TAFA1: variants seen among roughly 807,000 people sequenced by gnomAD.
The protein encoded by TAFA1 is TAFA chemokine like family member 1.
In TAFA1, 4 loss-of-function variants were observed where a neutral mutation model predicts 18.5. That is an observed-to-expected ratio of 0.22 (90% CI 0.11 to 0.49). The LOEUF is 0.49. Among genes scored for constraint, TAFA1 ranks in the 20% least tolerant of loss-of-function variants. TAFA1 has a pLI of 0.98. For missense variants in TAFA1, 147 were observed against 169.0 expected, an observed-to-expected ratio of 0.87 and a Z score of 0.72; for synonymous variants, 56 against 55.2, an observed-to-expected ratio of 1.01 and a Z score of -0.06.
At chr3:68,286,852 T>C (rs903802754) in intron 2 of TAFA1, among the ~76,000 whole-genome samples, 46 of 152,134 alleles carry the variant, frequency 3.0e-4, no homozygotes, top group Non-Finnish European at 6.2e-4. Flanking sequence ...CTCTCTATTA[T>C]TTGTGCTGGT....
chr3:67,994,838 G>A, the TAFA1 span, among the ~76,000 whole-genome samples: 1 of 152,086 alleles, frequency 6.6e-6, no homozygotes, highest in Non-Finnish European at 1.5e-5. Flanking sequence ...ACTGACTTTT[G>A]TTCATATGTG....
At chr3:68,148,290 G>C (rs550915940) in intron 2 of TAFA1, among the ~76,000 whole-genome samples, 1 of 152,304 alleles carries the variant, frequency 6.6e-6, no homozygotes, top group Admixed American at 6.5e-5. Flanking sequence ...TAGCATAGCA[G>C]TCTGTATTTT....
At chr3:68,293,515 ATTGTCAC>A (rs2068152099) in intron 2 of TAFA1, among the ~76,000 whole-genome samples, 1 of 152,206 alleles carries the variant, frequency 6.6e-6, no homozygotes, top group South Asian at 2.1e-4. Context: ...CTCAAACCCT[ATTGTCAC>A]TTCTTTCTAG....
chr3:68,422,358 C>T (rs1448897774), intron 3 of TAFA1, among the ~76,000 whole-genome samples: 2 of 152,084 alleles, frequency 1.3e-5, no homozygotes, highest in African/African-American at 4.8e-5. Flanking sequence ...ATCAACTTCT[C>T]TGCGTGACAG....
rs1174790978 is a variant in TAFA1, at chr3:68,544,719, G to T, written c.*216G>T. The T allele has an allele frequency of 6.8e-6, 3 of 443,958 alleles. No homozygotes were observed. The highest frequency in any genetic ancestry group is 4.0e-5 in the Admixed American group (1 of 25,050). The allele number at this position is 443,958 out of a possible 1,614,324, so 27.5% of individuals were successfully genotyped here. ...ACCATGGAAAGTGGGCTTAAAAAAG[G>T]GTTTTCTCAGTGAAATTTTTGGGCA... On this transcript the variant is annotated 3_prime_UTR_variant, in exon 5 of 5. Coordinates refer to ENST00000478136, the MANE Select transcript of TAFA1 (RefSeq NM_213609.4).
At chr3:68,376,860 A>T (rs1398896924) in intron 2 of TAFA1, among the ~76,000 whole-genome samples, 1 of 152,130 alleles carries the variant, frequency 6.6e-6, no homozygotes, top group Non-Finnish European at 1.5e-5. Context: ...TTGGATCATG[A>T]GAGAGGTTTT....
At chr3:68,120,182 T>TTTC (rs1491520032) in intron 2 of TAFA1, among the ~76,000 whole-genome samples, 1 of 18,270 alleles carries the variant, frequency 5.5e-5, no homozygotes, top group African/African-American at 1.4e-4. Context: ...TCTTTCTTTC[T>TTTC]TTCTTTCTTT....
intron 2 of TAFA1, among the ~76,000 whole-genome samples, chr3:68,160,142 A>G: frequency 6.6e-6 from 1 of 152,194 alleles, no homozygotes; most frequent in East Asian, 1.9e-4. Flanking sequence ...ATAGTGAGGG[A>G]AACTGTGACT....
intron 2 of TAFA1, among the ~76,000 whole-genome samples, chr3:68,298,368 T>C (rs1235693587): frequency 2.0e-5 from 3 of 152,142 alleles, no homozygotes; most frequent in African/African-American, 7.2e-5. Context: ...GTGTGTGTCA[T>C]GCTGAGAAGC....
At chr3:68,258,676 A>T (rs1322362271) in intron 2 of TAFA1, among the ~76,000 whole-genome samples, 1 of 152,188 alleles carries the variant, frequency 6.6e-6, no homozygotes, top group East Asian at 1.9e-4. Context: ...TCAGAGCCAC[A>T]TAACAAATAT....
chr3:68,393,340 G>C (rs779836889), intron 2 of TAFA1, among the ~76,000 whole-genome samples: 61 of 150,202 alleles, frequency 4.1e-4, no homozygotes, highest in Non-Finnish European at 8.9e-5. Flanking sequence ...CCAATAGCAA[G>C]TTCTCAAATA....
chr3:68,248,946 G>A (rs1248813963), intron 2 of TAFA1, among the ~76,000 whole-genome samples: 1 of 151,976 alleles, frequency 6.6e-6, no homozygotes, highest in African/African-American at 2.4e-5. Flanking sequence ...TGTAATTAAG[G>A]GTGTTCTCCT....
intron 2 of TAFA1, among the ~76,000 whole-genome samples, chr3:68,205,714 C>T (rs1052300981): frequency 2.5e-4 from 38 of 151,670 alleles, no homozygotes; most frequent in African/African-American, 7.5e-4. Flanking sequence ...TAAGTAGAAG[C>T]GGTGTCCCAG....
chr3:68,183,089 T>A (rs929325477), intron 2 of TAFA1, among the ~76,000 whole-genome samples: 19 of 152,288 alleles, frequency 1.2e-4, no homozygotes, highest in African/African-American at 4.3e-4. Flanking sequence ...TGTGTAGTTT[T>A]ATCATCAATC....
intron 3 of TAFA1, among the ~76,000 whole-genome samples, chr3:68,526,910 C>T (rs2073118260): frequency 6.6e-6 from 1 of 151,888 alleles, no homozygotes; most frequent in Non-Finnish European, 1.5e-5. Flanking sequence ...ACATAAAAAA[C>T]ATTTGTTCTT....
chr3:68,495,921 G>C (rs2072538080), intron 3 of TAFA1, among the ~76,000 whole-genome samples: 1 of 144,858 alleles, frequency 6.9e-6, no homozygotes, highest in African/African-American at 2.6e-5. Flanking sequence ...GTCCTTTGAA[G>C]TGCTTCTGTT....
intron 2 of TAFA1, among the ~76,000 whole-genome samples, chr3:68,180,461 AC>A (rs1215901262): frequency 6.6e-6 from 1 of 152,134 alleles, no homozygotes; most frequent in African/African-American, 2.4e-5. Flanking sequence ...ACAGCATCAC[AC>A]CTGCAGGCAA....
chr3:68,384,888 G>A (rs1193655270), intron 2 of TAFA1, among the ~76,000 whole-genome samples: 1 of 151,866 alleles, frequency 6.6e-6, no homozygotes, highest in African/African-American at 2.4e-5. Flanking sequence ...CTTAGGTCTT[G>A]TTGAATTCAA....
intron 2 of TAFA1, among the ~76,000 whole-genome samples, chr3:68,046,169 G>A (rs191013742): frequency 5.8e-4 from 88 of 152,108 alleles, no homozygotes; most frequent in African/African-American, 1.8e-3. Flanking sequence ...TTCTGGCGGC[G>A]GTTTTCAGGA....
Sources: gnomAD v4.1 joint callset for allele counts (sites outside exome capture counted in the v4.1 genomes callset) on GRCh38, gnomAD v4.1.1 for gene constraint, MANE v1.5 for transcripts, NCBI Gene and HGNC (gene_info 2026-07-23, HGNC 2026-07-21) for gene names.